Variants in KHDRBS2 observed in about 807,000 individuals in gnomAD.
The protein encoded by KHDRBS2 is KH RNA binding domain containing, signal transduction associated 2, also known as KH domain-containing, RNA-binding, signal transduction-associated protein 2.
In KHDRBS2, 26 loss-of-function variants were observed where a neutral mutation model predicts 44.3. That is an observed-to-expected ratio of 0.59 (90% CI 0.43 to 0.81). KHDRBS2 has a LOEUF of 0.81. KHDRBS2 is among the 40% of genes least tolerant of loss of function. KHDRBS2 has a pLI of 0.00. For synonymous variants in KHDRBS2, 194 were observed against 151.1 expected, an observed-to-expected ratio of 1.28 and a Z score of -2.08; for missense variants, 476 against 433.1, an observed-to-expected ratio of 1.10 and a Z score of -0.88.
chr6:61,947,189 A>C (rs1429059432), intron 4 of KHDRBS2, among the ~76,000 whole-genome samples: 5 of 152,186 alleles, frequency 3.3e-5, no homozygotes, highest in African/African-American at 1.2e-4. Context: ...AGTAACCACT[A>C]TTATAAGACA....
At chr6:61,947,913 AAAT>A (rs56372678) in intron 4 of KHDRBS2, among the ~76,000 whole-genome samples, 24,382 of 142,860 alleles carry the variant, frequency 0.17, 2,322 homozygotes, top group East Asian at 0.29. Context: ...CACACACACA[AAAT>A]AATAATAATA....
the KHDRBS2 span, among the ~76,000 whole-genome samples, chr6:61,633,721 T>C: frequency 6.6e-6 from 1 of 152,132 alleles, no homozygotes; most frequent in Middle Eastern, 3.4e-3. Flanking sequence ...TTGCCAAATA[T>C]AAGAATGAGC....
Position 62,183,197 on chromosome 6 carries a change from C to T in KHDRBS2, c.92-5885G>A, listed in dbSNP as rs555024283. Among the ~76,000 whole-genome samples the T allele has an allele frequency of 4.0e-5, 6 of 151,802 alleles. No homozygotes were observed. In the South Asian group the frequency reaches 1.2e-3, roughly 31 times the overall value. ...ATTATATTTCTTTTTATGATTGGCACATTGTTGAGGCTCATATTTTTAAAT... is the reference window on the plus strand; with the variant it reads ...ATTATATTTCTTTTTATGATTGGCATATTGTTGAGGCTCATATTTTTAAAT... On this transcript the variant is annotated intron_variant, in intron 1 of 8. Coordinates refer to ENST00000281156, the MANE Select transcript of KHDRBS2 (RefSeq NM_152688.4).
At chr6:62,011,308 C>T (rs1245942704) in intron 3 of KHDRBS2, among the ~76,000 whole-genome samples, 3 of 152,048 alleles carry the variant, frequency 2.0e-5, no homozygotes, top group Non-Finnish European at 4.4e-5. Context: ...AAAGTATTTA[C>T]AAATGTAAAT....
intron 1 of KHDRBS2, among the ~76,000 whole-genome samples, chr6:62,217,049 C>T (rs1436705655): frequency 2.0e-5 from 3 of 147,370 alleles, no homozygotes; most frequent in Non-Finnish European, 4.5e-5. Context: ...AAAAAAGGTG[C>T]CAAAGAACAA....
intron 6 of KHDRBS2, among the ~76,000 whole-genome samples, chr6:61,795,679 T>C (rs1785243010): frequency 6.6e-6 from 1 of 152,172 alleles, no homozygotes; most frequent in African/African-American, 2.4e-5. Flanking sequence ...CTGCTCCAGA[T>C]CAATGCAACT....
At chr6:62,090,144 A>T (rs746077084) in intron 2 of KHDRBS2, among the ~76,000 whole-genome samples, 11 of 152,218 alleles carry the variant, frequency 7.2e-5, no homozygotes, top group Non-Finnish European at 1.3e-4. Flanking sequence ...AAAACAACAG[A>T]AACAAAAAAA....
intron 1 of KHDRBS2, among the ~76,000 whole-genome samples, chr6:62,213,252 A>T (rs1351617752): frequency 6.6e-6 from 1 of 152,100 alleles, no homozygotes; most frequent in East Asian, 1.9e-4. Context: ...ATTATTTGAG[A>T]GAGAAAACTC....
At chr6:61,597,914 G>A in the KHDRBS2 span, among the ~76,000 whole-genome samples, 26 of 135,202 alleles carry the variant, frequency 1.9e-4, no homozygotes, top group African/African-American at 6.1e-4. Context: ...TTTTTTTTGT[G>A]TTTTTTTTTT....
chr6:61,602,358 C>T, the KHDRBS2 span, among the ~76,000 whole-genome samples: 2 of 152,140 alleles, frequency 1.3e-5, no homozygotes, highest in African/African-American at 4.8e-5. Flanking sequence ...GGACCGCCTA[C>T]CCCAGGATCT....
intron 4 of KHDRBS2, among the ~76,000 whole-genome samples, chr6:61,924,602 T>C (rs982494258): frequency 1.3e-5 from 2 of 151,968 alleles, no homozygotes; most frequent in African/African-American, 4.8e-5. Context: ...ACTGTTTATT[T>C]TTATCATTGT....
intron 3 of KHDRBS2, among the ~76,000 whole-genome samples, chr6:62,007,360 T>C (rs1398733199): frequency 1.3e-5 from 2 of 152,054 alleles, no homozygotes; most frequent in African/African-American, 2.4e-5. Flanking sequence ...AAAGTGGCTA[T>C]GAGAGATTAC....
At chr6:62,038,769 AACTATT>A (rs1365668681) in intron 3 of KHDRBS2, among the ~76,000 whole-genome samples, 1 of 152,090 alleles carries the variant, frequency 6.6e-6, no homozygotes, top group Non-Finnish European at 1.5e-5. Flanking sequence ...GGGTCATTTC[AACTATT>A]AAAATAAACA....
At chr6:61,847,034 T>G (rs561072149) in intron 6 of KHDRBS2, among the ~76,000 whole-genome samples, 1 of 152,224 alleles carries the variant, frequency 6.6e-6, no homozygotes, top group East Asian at 1.9e-4. Context: ...TTCAAACATT[T>G]ATTAAGAAAA....
At chr6:62,172,802 G>A (rs1410490663) in intron 2 of KHDRBS2, among the ~76,000 whole-genome samples, 1 of 148,974 alleles carries the variant, frequency 6.7e-6, no homozygotes, top group African/African-American at 2.5e-5. Flanking sequence ...CAAAATCACA[G>A]AATTACGTGG....
At chr6:61,661,341 C>T in the KHDRBS2 span, 2 of 151,766 alleles carry the variant, frequency 1.3e-5, no homozygotes, top group African/African-American at 2.4e-5. Flanking sequence ...TCCAGTTTTT[C>T]GTTTTTCTAT....
At chr6:62,177,856 C>T (rs1193697872) in intron 1 of KHDRBS2, among the ~76,000 whole-genome samples, 1 of 151,150 alleles carries the variant, frequency 6.6e-6, no homozygotes, top group Non-Finnish European at 1.5e-5. Context: ...TCTATAAATG[C>T]TAACATTCAT....
intron 3 of KHDRBS2, among the ~76,000 whole-genome samples, chr6:62,038,647 C>T (rs1436888998): frequency 1.3e-5 from 2 of 152,028 alleles, no homozygotes; most frequent in Non-Finnish European, 2.9e-5. Context: ...GAATTTTTCT[C>T]GTTAACATTC....
intron 1 of KHDRBS2, among the ~76,000 whole-genome samples, chr6:62,264,179 T>G (rs765474105): frequency 1.3e-5 from 2 of 151,744 alleles, no homozygotes; most frequent in African/African-American, 2.4e-5. Flanking sequence ...AGTCAGCAAA[T>G]ATAGGAAATG....
Sources: gnomAD v4.1 joint callset for allele counts (sites outside exome capture counted in the v4.1 genomes callset) on GRCh38, gnomAD v4.1.1 for gene constraint, MANE v1.5 for transcripts, NCBI Gene and HGNC (gene_info 2026-07-23, HGNC 2026-07-21) for gene names.